WDTC1: variants seen among roughly 807,000 people sequenced by gnomAD.
WDTC1 encodes WD and tetratricopeptide repeats 1.
Under a neutral mutation model 76.0 loss-of-function variants are expected in WDTC1, and 12 were observed. The observed-to-expected ratio is 0.16, with a 90% CI of 0.10 to 0.26. WDTC1 has a LOEUF of 0.26. Among genes scored for constraint, WDTC1 ranks in the 10% least tolerant of loss-of-function variants. The pLI is 1.00. For missense variants in WDTC1, 511 were observed against 908.8 expected, an observed-to-expected ratio of 0.56 and a Z score of 5.63; for synonymous variants, 326 against 350.8, an observed-to-expected ratio of 0.93 and a Z score of 0.79.
At chr1:27,260,245 C>T (rs1193957644) in intron 1 of WDTC1, among the ~76,000 whole-genome samples, 4 of 152,154 alleles carry the variant, frequency 2.6e-5, no homozygotes, top group African/African-American at 9.7e-5. Flanking sequence ...GCTGGGACTA[C>T]AGGCACCCGC....
At chr1:27,296,427 A>G in intron 10 of WDTC1, 26 bp downstream of exon 10, 2 of 1,612,930 alleles carry the variant, frequency 1.2e-6, no homozygotes, top group Non-Finnish European at 1.7e-6. Context: ...GGGTATCTCT[A>G]CTGCGGCGGT....
chr1:27,242,211 C>A (rs1028300321), intron 1 of WDTC1, among the ~76,000 whole-genome samples: 2 of 151,820 alleles, frequency 1.3e-5, no homozygotes, highest in East Asian at 3.9e-4. Flanking sequence ...ACACTTGTAA[C>A]CCTAGCACTT....
intron 1 of WDTC1, among the ~76,000 whole-genome samples, chr1:27,253,950 A>G (rs1450717252): frequency 6.6e-6 from 1 of 152,146 alleles, no homozygotes; most frequent in Admixed American, 6.6e-5. Context: ...CTCATCCTCG[A>G]ATAACTATTG....
intron 1 of WDTC1, among the ~76,000 whole-genome samples, chr1:27,251,082 G>T (rs1424209928): frequency 1.8e-5 from 2 of 112,290 alleles, no homozygotes; most frequent in Admixed American, 2.2e-4. Flanking sequence ...GTAGAGACAG[G>T]GTTTCACCAT....
At chr1:27,280,777 T>C (rs1390532314) in intron 3 of WDTC1, among the ~76,000 whole-genome samples, 1 of 152,190 alleles carries the variant, frequency 6.6e-6, no homozygotes, top group African/African-American at 2.4e-5. Context: ...AATGTGTATA[T>C]GATGAATCTC....
intron 6 of WDTC1, among the ~76,000 whole-genome samples, chr1:27,289,657 A>G (rs1357708072): frequency 1.5e-3 from 233 of 152,186 alleles, no homozygotes; most frequent in Non-Finnish European, 2.7e-3. Context: ...AGGTTGTAGC[A>G]AGCCGAGATC....
intron 5 of WDTC1, among the ~76,000 whole-genome samples, chr1:27,286,070 A>G (rs1192172983): frequency 8.0e-6 from 1 of 125,084 alleles, no homozygotes; most frequent in African/African-American, 3.2e-5. Flanking sequence ...CAGTGATGCC[A>G]TCTCAGCTCA....
chr1:27,252,051 A>C (rs756725037), intron 1 of WDTC1, among the ~76,000 whole-genome samples: 6 of 151,962 alleles, frequency 3.9e-5, no homozygotes, highest in Non-Finnish European at 7.4e-5. Context: ...CTGTCTCAAA[A>C]ATAAAAAAAA....
chr1:27,262,747 C>G (rs1266772182), intron 2 of WDTC1, among the ~76,000 whole-genome samples: 1 of 152,126 alleles, frequency 6.6e-6, no homozygotes, highest in Admixed American at 6.6e-5. Context: ...TTTCATTAGA[C>G]TGAGTGGTCC....
Position 27,274,654 on chromosome 1 carries a change from T to G in WDTC1, c.133-7585T>G, listed in dbSNP as rs1334688323. Among the ~76,000 whole-genome samples the G allele has an allele frequency of 6.6e-6, 1 of 152,188 alleles. No individual in the cohort carries two copies. The highest frequency in any genetic ancestry group is 1.5e-5 in the Non-Finnish European group (1 of 68,034). On this transcript the variant is annotated intron_variant, in intron 3 of 15. Transcript: ENST00000319394. This position sits in a 1 kb window ranked among gnomAD's most constrained non-coding sequence, Gnocchi z 4.2. ...ATTTTTGCTGAGCATTCCACATCCC[T>G]CTTTAGTTACATGTGCCAGCTCATC... is the stretch of plus-strand genomic sequence containing the variant.
At position 27,306,132 on chromosome 1, in the gene WDTC1, C is replaced by T. The variant is rs1195846231; in HGVS notation, c.1837-54C>T. 1.9e-6 allele frequency: 3 copies of T among 1,604,070 alleles called. No individual in the cohort carries two copies. In the African/African-American group the frequency reaches 4.0e-5, roughly 21 times the overall value. On this transcript the variant is annotated intron_variant, in intron 15 of 15. Coordinates refer to ENST00000319394, the MANE Select transcript of WDTC1 (RefSeq NM_001276252.2). This position sits in a 1 kb window ranked among gnomAD's most constrained non-coding sequence, Gnocchi z 5.0. ...CCTCCCCCTCCCCTATACGTGTACCCTGGTGCCTCTCCCTCCCTGAGCCCC... is the reference window on the plus strand; with the variant it reads ...CCTCCCCCTCCCCTATACGTGTACCTTGGTGCCTCTCCCTCCCTGAGCCCC...
intron 6 of WDTC1, among the ~76,000 whole-genome samples, chr1:27,290,510 G>A (rs962750428): frequency 1.3e-5 from 2 of 152,164 alleles, no homozygotes; most frequent in East Asian, 1.9e-4. Flanking sequence ...CCAGCACAGC[G>A]CCTGGCACAT....
At chr1:27,249,020 C>T (rs1177631758) in intron 1 of WDTC1, among the ~76,000 whole-genome samples, 1 of 152,132 alleles carries the variant, frequency 6.6e-6, no homozygotes, top group Non-Finnish European at 1.5e-5. Context: ...GTAATTCCAG[C>T]ACTTTGGGAG....
intron 1 of WDTC1, among the ~76,000 whole-genome samples, chr1:27,256,080 A>G (rs2012271628): frequency 6.6e-6 from 1 of 152,206 alleles, no homozygotes; most frequent in Non-Finnish European, 1.5e-5. Context: ...AATTCACAAA[A>G]CATCAGGGAA....
In WDTC1 at chr1:27,272,021, G is replaced by A. The variant is rs1217498860; in HGVS notation, c.132+8786G>A. On this transcript the variant is annotated intron_variant, in intron 3 of 15. Transcript: ENST00000319394. ...AGCACTTTGGGAGGCCGAGGCGGGC[G>A]GATCACCTGAGGTTGGGAGTTCGAG... Among the ~76,000 whole-genome samples, 239 of 149,816 alleles carry A rather than the reference G, an allele frequency of 1.6e-3. 1 individual carries two copies. Among genetic ancestry groups the A allele is most frequent in the African/African-American group, 5.0e-3 (204 of 41,110 alleles).
intron 6 of WDTC1, among the ~76,000 whole-genome samples, chr1:27,290,124 G>A (rs1052004364): frequency 2.6e-5 from 4 of 152,090 alleles, no homozygotes; most frequent in African/African-American, 4.8e-5. Flanking sequence ...TTCTATTGCC[G>A]AGGTTGGAGT....
intron 1 of WDTC1, among the ~76,000 whole-genome samples, chr1:27,259,406 A>T (rs1381968386): frequency 2.7e-5 from 4 of 146,890 alleles, no homozygotes; most frequent in Non-Finnish European, 5.9e-5. Flanking sequence ...GGTTTCAAGT[A>T]GTCCTCCCAC....
intron 1 of WDTC1, among the ~76,000 whole-genome samples, chr1:27,253,009 T>G (rs1330625598): frequency 7.7e-4 from 1 of 1,292 alleles, no homozygotes; most frequent in East Asian, 0.5. Context: ...TCTTTCTGAT[T>G]TTTTTTTTTT....
At chr1:27,281,186 G>T (rs2013177749) in intron 3 of WDTC1, among the ~76,000 whole-genome samples, 1 of 152,138 alleles carries the variant, frequency 6.6e-6, no homozygotes. Flanking sequence ...GTGAGGCTGG[G>T]CGCGGTGGCT....
Sources: gnomAD v4.1 joint callset for allele counts (sites outside exome capture counted in the v4.1 genomes callset) on GRCh38, gnomAD v4.1.1 for gene constraint, Gnocchi (gnomAD v3.1) non-coding constraint, MANE v1.5 for transcripts, NCBI Gene and HGNC (gene_info 2026-07-23, HGNC 2026-07-21) for gene names.